EDNRA: variants seen among roughly 807,000 people sequenced by gnomAD.
The protein encoded by EDNRA is endothelin-1 receptor.
EDNRA carries 11 observed loss-of-function variants against 41.4 expected under a neutral mutation model. The observed-to-expected ratio is 0.27, with a 90% CI of 0.17 to 0.44. EDNRA has a LOEUF of 0.44. Ranked by LOEUF, EDNRA falls within the 20% of genes least tolerant of loss-of-function variation. The pLI is 1.00. For synonymous variants in EDNRA, 172 were observed against 183.0 expected (o/e 0.94, Z 0.49); for missense variants, 294 against 531.0 (o/e 0.55, Z 4.39).
At chr4:147,524,173 T>C (rs1578805263) in intron 3 of EDNRA, among the ~76,000 whole-genome samples, 1 of 149,930 alleles carries the variant, frequency 6.7e-6, no homozygotes, top group African/African-American at 2.5e-5. Context: ...AAAAAAAAAG[T>C]AGTAAGCTAG....
chr4:147,500,493 G>A (rs150794162), intron 2 of EDNRA, among the ~76,000 whole-genome samples: 11 of 152,306 alleles, frequency 7.2e-5, no homozygotes, highest in African/African-American at 2.6e-4. Flanking sequence ...CAAGGCCAGA[G>A]GCTCATTTGA....
At chr4:147,532,053 C>T (rs1227851413) in intron 3 of EDNRA, among the ~76,000 whole-genome samples, 1 of 149,212 alleles carries the variant, frequency 6.7e-6, no homozygotes, top group Admixed American at 6.7e-5. Context: ...TGGCTCACTC[C>T]TGTAATCCCA....
chr4:147,541,162 T>G (rs191505636), intron 7 of EDNRA, among the ~76,000 whole-genome samples: 48 of 152,066 alleles, frequency 3.2e-4, no homozygotes, highest in Non-Finnish European at 6.2e-4. Context: ...AAGTAAATGC[T>G]TATTGCTGTG....
chr4:147,489,728 T>G (rs550794331), intron 2 of EDNRA: 11 of 152,214 alleles, frequency 7.2e-5, no homozygotes, highest in Admixed American at 3.3e-4. Flanking sequence ...ATTTCTTAAT[T>G]TCTTAATTGA....
At chr4:147,509,527 G>A (rs897774011) in intron 2 of EDNRA, among the ~76,000 whole-genome samples, 26 of 152,286 alleles carry the variant, frequency 1.7e-4, no homozygotes, top group African/African-American at 6.3e-4. Flanking sequence ...TTCATGGCCT[G>A]TTAGGAATCA....
intron 2 of EDNRA, among the ~76,000 whole-genome samples, chr4:147,501,975 G>A (rs556208990): frequency 3.9e-5 from 6 of 152,280 alleles, no homozygotes; most frequent in East Asian, 3.9e-4. Context: ...CATTAGCAAC[G>A]TAGGAGTTCC....
chr4:147,491,618 A>G (rs1419271398), intron 2 of EDNRA: 2 of 152,142 alleles, frequency 1.3e-5, no homozygotes, highest in Admixed American at 6.5e-5. Flanking sequence ...GGGATTCTTC[A>G]TTTATAGACA....
rs116582596 is a variant in EDNRA, at chr4:147,516,800, G to T, written c.421-3051G>T. On this transcript the variant is annotated intron_variant, in intron 2 of 7. Transcript: ENST00000651419. ...TGAAATCAGTGAGTTCTTTGCCATG[G>T]TCTAGGATGTATTCTCTTAAACAGT... Among the ~76,000 whole-genome samples the T allele has an allele frequency of 1.8e-3, 270 of 152,146 alleles. 1 individual carries two copies. The highest frequency in any genetic ancestry group is 3.4e-3 in the Middle Eastern group (1 of 294).
At chr4:147,499,993 T>C (rs1475633798) in intron 2 of EDNRA, among the ~76,000 whole-genome samples, 1 of 151,786 alleles carries the variant, frequency 6.6e-6, no homozygotes, top group Non-Finnish European at 1.5e-5. Flanking sequence ...TTAGTAGAGA[T>C]GGGGTTTCAC....
In EDNRA at chr4:147,519,992, T is replaced by C. The variant is rs373198804; in HGVS notation, c.548+14T>C. 1 of 1,598,290 alleles carries C rather than the reference T, an allele frequency of 6.3e-7. No homozygotes were observed. Among genetic ancestry groups the C allele is most frequent in the Non-Finnish European group, 8.5e-7 (1 of 1,173,522 alleles). Reference sequence around the variant, plus strand: ...TAGTGTTGACAGGTAATGTGGTTCTTTCCCTTTGCTCTTTGGCTGGGCTTA... The same window carrying C: ...TAGTGTTGACAGGTAATGTGGTTCTCTCCCTTTGCTCTTTGGCTGGGCTTA... On this transcript the variant is annotated intron_variant, in intron 3 of 7. Coordinates refer to ENST00000651419, the MANE Select transcript of EDNRA (RefSeq NM_001957.4). This position sits in a 1 kb window ranked among gnomAD's most constrained non-coding sequence, Gnocchi z 4.1.
At chr4:147,532,347 A>C (rs1730780395) in intron 3 of EDNRA, among the ~76,000 whole-genome samples, 159 bp from the exon 4 acceptor site, 1 of 150,980 alleles carries the variant, frequency 6.6e-6, no homozygotes, top group Non-Finnish European at 1.5e-5. Context: ...AAAAAAAAAA[A>C]AAACCCACTT....
intron 5 of EDNRA, among the ~76,000 whole-genome samples, chr4:147,538,684 C>T (rs997913700): frequency 2.6e-5 from 4 of 152,128 alleles, no homozygotes; most frequent in Admixed American, 6.6e-5. Flanking sequence ...GTCATTACTC[C>T]GGAGCCATAT....
chr4:147,506,651 G>A, intron 2 of EDNRA: 1 of 317,808 alleles, frequency 3.1e-6, no homozygotes, highest in Non-Finnish European at 6.2e-6. Context: ...ACAACCTGTG[G>A]TATACCTGAG....
chr4:147,518,007 C>G (rs1429466877), intron 2 of EDNRA, among the ~76,000 whole-genome samples: 1 of 152,086 alleles, frequency 6.6e-6, no homozygotes, highest in Admixed American at 6.6e-5. Flanking sequence ...ATTGGGAAAT[C>G]CATTCATGTG....
chr4:147,485,505 A>G (rs1056219631), intron 1 of EDNRA, 107 bp from the exon 2 acceptor site: 5 of 762,228 alleles, frequency 6.6e-6, no homozygotes, highest in Non-Finnish European at 1.0e-5. Flanking sequence ...ATCTTATCTA[A>G]TCACCAAATA....
At chr4:147,525,676 G>T (rs867267545) in intron 3 of EDNRA, among the ~76,000 whole-genome samples, 17 of 151,644 alleles carry the variant, frequency 1.1e-4, no homozygotes, top group Middle Eastern at 3.4e-3. Flanking sequence ...AGTGGAAGAT[G>T]ATGATGATGG....
At chr4:147,507,920 A>ACTT (rs1729777722) in intron 2 of EDNRA, among the ~76,000 whole-genome samples, 1 of 152,150 alleles carries the variant, frequency 6.6e-6, no homozygotes, top group Non-Finnish European at 1.5e-5. Flanking sequence ...AGCATTTTCT[A>ACTT]TGTCCTTACC....
chr4:147,485,780 T>C lies in EDNRA; in HGVS notation c.99T>C (p.His33=). ...GATACAGCACAAATCTAAGCAATCATGTGGATGATTTCACCACTTTTCGTG... is the reference window on the plus strand; with the variant it reads ...GATACAGCACAAATCTAAGCAATCACGTGGATGATTTCACCACTTTTCGTG... The part of the protein sequence containing the change: ...PERYSTNLSN[H]VDDFTTFRGT... Residue 33 remains histidine, a synonymous_variant, in exon 2 of 8, where the codon CAT becomes CAC. Coordinates refer to ENST00000651419, the MANE Select transcript of EDNRA (RefSeq NM_001957.4). 1 of 1,614,260 alleles carries C rather than the reference T, an allele frequency of 6.2e-7. No individual in the cohort carries two copies. Among genetic ancestry groups the C allele is most frequent in the Non-Finnish European group, 8.5e-7 (1 of 1,180,046 alleles).
At chr4:147,516,261 A>G (rs1730112021) in intron 2 of EDNRA, among the ~76,000 whole-genome samples, 1 of 152,168 alleles carries the variant, frequency 6.6e-6, no homozygotes, top group South Asian at 2.1e-4. Flanking sequence ...TCACAGCCCA[A>G]AGTGAGATGT....
Sources: gnomAD v4.1 joint callset for allele counts (sites outside exome capture counted in the v4.1 genomes callset) on GRCh38, gnomAD v4.1.1 for gene constraint, Gnocchi (gnomAD v3.1) non-coding constraint, MANE v1.5 for transcripts, NCBI Gene and HGNC (gene_info 2026-07-23, HGNC 2026-07-21) for gene names.